The following SLC49A3 variants were observed in gnomAD, a reference collection of about 807,000 sequenced individuals.
SLC49A3 encodes the protein solute carrier family 49 member A3.
In SLC49A3, 50 loss-of-function variants were observed where a neutral mutation model predicts 43.8. The observed-to-expected ratio is 1.14, with a 90% CI of 0.91 to 1.45. The LOEUF (loss-of-function observed/expected upper bound fraction) is 1.45. Among genes scored for constraint, SLC49A3 ranks in the 40% most tolerant of loss-of-function variants. SLC49A3 has a pLI of 0.00. For missense variants in SLC49A3, 906 were observed against 774.1 expected (o/e 1.17, Z -2.02); for synonymous variants, 413 against 352.0 (o/e 1.17, Z -1.94).
At chr4:680,699 G>T, downstream of SLC49A3, 2 of 1,133,936 alleles carry the variant, frequency 1.8e-6, no homozygotes, top group South Asian at 2.7e-5. Flanking sequence ...CCCCACCTCT[G>T]ACCAGCTTCA....
chr4:691,008 C>T (rs1048694063), upstream of SLC49A3, among the ~76,000 whole-genome samples: 3 of 152,208 alleles, frequency 2.0e-5, no homozygotes, highest in South Asian at 2.1e-4. Flanking sequence ...AACCATGGGC[C>T]GGGTGCGGTG....
chr4:686,832 G>A, intron 1 of SLC49A3, 142 bp from the exon 2 acceptor site: 1 of 1,117,536 alleles, frequency 8.9e-7, no homozygotes, highest in Non-Finnish European at 1.2e-6. Context: ...GGGCCTTCCT[G>A]CCCAAGGAGA....
At position 686,643 on chromosome 4, in the gene SLC49A3, C is replaced by G. The variant is rs111567734; in HGVS notation, c.183G>C (p.Leu61Phe). The G allele has an allele frequency of 2.5e-6, 4 of 1,613,192 alleles. No homozygotes were observed. In the African/African-American group the frequency reaches 4.0e-5, roughly 16 times the overall value. ...AGTTGATCTGCTCCATGGACAGGAC[C>G]AAGTCCTCAGCAATGACGTCAGCCA... The part of the protein sequence containing the change: ...APVADVIAED[L>F]VLSMEQINWL... Residue 61 changes from leucine (L) to phenylalanine (F), a missense_variant, in exon 2 of 10, where the codon TTG becomes TTC. Leu to Phe is a conservative substitution (Grantham distance 22). Coordinates refer to ENST00000322224, the MANE Select transcript of SLC49A3 (RefSeq NM_032219.4).
chr4:681,215 C>A, downstream of SLC49A3: 4 of 1,529,664 alleles, frequency 2.6e-6, no homozygotes, highest in Non-Finnish European at 2.7e-6. Flanking sequence ...TGGAGGGGGA[C>A]GCGGAGCCCG....
chr4:681,144 T>G, downstream of SLC49A3: 1 of 1,603,698 alleles, frequency 6.2e-7, no homozygotes, highest in East Asian at 2.2e-5. Flanking sequence ...GGAAGAGGTC[T>G]GGCCCGCGGC....
rs937085713 is a variant in SLC49A3, at chr4:685,285, C to T, written c.586-429G>A. 2.6e-5 allele frequency among the ~76,000 whole-genome samples: 4 copies of T among 152,096 alleles called. No homozygotes were observed. The highest frequency in any genetic ancestry group is 9.7e-5 in the African/African-American group (4 of 41,370). On this transcript the variant is annotated intron_variant, in intron 4 of 9. Transcript: ENST00000322224. This position sits in a 1 kb window ranked among gnomAD's most constrained non-coding sequence, Gnocchi z 4.3. ...ATGCACGAGCACACACAGGTACACACCACACATGTGCACAGACACACAGAC... is the reference window on the plus strand; with the variant it reads ...ATGCACGAGCACACACAGGTACACATCACACATGTGCACAGACACACAGAC...
At chr4:678,608 G>C (rs1468690962), downstream of SLC49A3, 1 of 1,564,820 alleles carries the variant, frequency 6.4e-7, no homozygotes, top group African/African-American at 1.4e-5. Flanking sequence ...GTGCCCTGGA[G>C]GGTTTCGTCA....
chr4:684,377 G>T lies in SLC49A3; in HGVS notation c.840+106C>A, dbSNP rs1740546206. On this transcript the variant is annotated intron_variant, in intron 6 of 9. Coordinates refer to ENST00000322224, the MANE Select transcript of SLC49A3 (RefSeq NM_032219.4). The stretch of plus-strand genomic sequence containing the variant: ...CACAGCACAGAAGGGTGTCAATGTG[G>T]CCCCCGCCAGGGTCGGACACTGGGC... The T allele has an allele frequency of 5.4e-6, 8 of 1,477,454 alleles. No individual in the cohort carries two copies. The East Asian group carries it at 9.1e-5, about 17-fold the overall frequency. The allele number at this position is 1,477,454 out of a possible 1,614,324, so 91.5% of individuals were successfully genotyped here.
At chr4:679,282 G>GACAGGGTGGGTGGGACAGCCCAA, downstream of SLC49A3, 1 of 620,424 alleles carries the variant, frequency 1.6e-6, no homozygotes, top group Non-Finnish European at 2.9e-6. Flanking sequence ...TGGGCTTTGA[G>GACAGGGTGGGTGGGACAGCCCAA]GCAGCAGGCT....
At chr4:681,711 TCCAGCGCCGCC>T (rs1739654964), downstream of SLC49A3, 1 of 63,766 alleles carries the variant, frequency 1.6e-5, no homozygotes, top group African/African-American at 8.9e-5. Flanking sequence ...CCCCGCCCCC[TCCAGCGCCGCC>T]CCGCCCCCTC....
At chr4:678,004 C>A, downstream of SLC49A3, 1 of 1,613,446 alleles carries the variant, frequency 6.2e-7, no homozygotes, top group Non-Finnish European at 8.5e-7. Context: ...TGGGCAGACG[C>A]ATCAAAGCAG....
upstream of SLC49A3, among the ~76,000 whole-genome samples, chr4:690,640 A>T (rs371961036): frequency 3.0e-4 from 45 of 152,324 alleles, no homozygotes; most frequent in East Asian, 3.5e-3. Flanking sequence ...TGTCACCATG[A>T]AATGGGGCAG....
At chr4:682,654 C>A (rs1740018479) in intron 9 of SLC49A3, 127 bp downstream of exon 9, 3 of 739,912 alleles carry the variant, frequency 4.1e-6, no homozygotes, top group Admixed American at 3.2e-5. Flanking sequence ...CGGGGACTCC[C>A]TGCGTGGTGC....
downstream of SLC49A3, chr4:680,827 TC>T (rs1288692556): frequency 1.6e-6 from 1 of 629,296 alleles, no homozygotes; most frequent in East Asian, 2.7e-5. Context: ...CACTCCTCCA[TC>T]TTCAGCTCCT....
chr4:684,401 G>A (rs1009176951), intron 6 of SLC49A3, 82 bp downstream of exon 6: 15 of 1,561,644 alleles, frequency 9.6e-6, no homozygotes, highest in Admixed American at 1.8e-5. Context: ...CGGACACTGG[G>A]CACCCTGGAG....
chr4:688,877 A>AC (rs1326121627), intron 1 of SLC49A3, 116 bp downstream of exon 1: 15 of 1,402,390 alleles, frequency 1.1e-5, no homozygotes, highest in Middle Eastern at 2.2e-4. Context: ...TCCAGAAGGC[A>AC]CCCCCCGCCC....
chr4:688,845 G>C (rs1741558934), intron 1 of SLC49A3, 148 bp downstream of exon 1: 1 of 1,301,728 alleles, frequency 7.7e-7, no homozygotes, highest in Non-Finnish European at 1.0e-6. Flanking sequence ...AGTGCCCCCA[G>C]TGCCCGCAAT....
intron 9 of SLC49A3, among the ~76,000 whole-genome samples, 157 bp downstream of exon 9, chr4:682,624 G>T (rs910047458): frequency 5.9e-5 from 9 of 152,162 alleles, no homozygotes; most frequent in Non-Finnish European, 1.3e-4. Flanking sequence ...CACCTGTCCT[G>T]GCTCACCTGT....
chr4:682,631 C>T (rs1740008660), intron 9 of SLC49A3, 150 bp downstream of exon 9: 2 of 649,386 alleles, frequency 3.1e-6, no homozygotes, highest in South Asian at 6.1e-5. Context: ...CCTGGCTCAC[C>T]TGTCCTATTG....
Sources: allele counts gnomAD v4.1 joint callset (sites outside exome capture counted in the v4.1 genomes callset), GRCh38; gene constraint gnomAD v4.1.1; non-coding constraint Gnocchi (gnomAD v3.1); transcripts MANE v1.5; gene names NCBI Gene and HGNC (gene_info 2026-07-23, HGNC 2026-07-21).